Variants in HYCC2 observed in about 807,000 individuals in gnomAD.
HYCC2 encodes hyccin PI4KA lipid kinase complex subunit 2.
chr2:201,069,511 G>T, the HYCC2 span, among the ~76,000 whole-genome samples: 5 of 149,814 alleles, frequency 3.3e-5, no homozygotes, highest in African/African-American at 1.2e-4. Context: ...AGTTCTCTAA[G>T]ACAGCTCTAG....
the HYCC2 span, among the ~76,000 whole-genome samples, chr2:200,993,609 T>C: frequency 1.3e-5 from 2 of 152,180 alleles, no homozygotes; most frequent in Non-Finnish European, 2.9e-5. Context: ...TAGTGCCTTA[T>C]GGTCTTGGGA....
chr2:201,012,952 TACACACACACACACACACACACAC>T, the HYCC2 span, among the ~76,000 whole-genome samples: 1 of 146,416 alleles, frequency 6.8e-6, no homozygotes, highest in South Asian at 2.2e-4. Flanking sequence ...TTTCAAAAAA[TACACACACACACACACACACACAC>T]ACACACACGC....
chr2:200,984,594 A>C, the HYCC2 span, among the ~76,000 whole-genome samples: 4 of 152,228 alleles, frequency 2.6e-5, no homozygotes, highest in Non-Finnish European at 5.9e-5. Context: ...TCTTCTGTTT[A>C]AAAAGCTTGG....
chr2:201,011,180 G>A, the HYCC2 span, among the ~76,000 whole-genome samples: 2 of 151,762 alleles, frequency 1.3e-5, no homozygotes, highest in African/African-American at 4.8e-5. Context: ...AAAAGATACT[G>A]ATAGAAGAAT....
the HYCC2 span, chr2:201,009,163 A>ATTTTC: frequency 1.1e-6 from 1 of 879,100 alleles, no homozygotes; most frequent in Admixed American, 2.2e-5. Flanking sequence ...ATAATATTTA[A>ATTTTC]TTTTCTTTTC....
the HYCC2 span, among the ~76,000 whole-genome samples, chr2:201,058,701 C>T: frequency 6.6e-6 from 1 of 151,914 alleles, no homozygotes; most frequent in Non-Finnish European, 1.5e-5. Flanking sequence ...CAGACCCCAT[C>T]TCAAGAAAAA....
chr2:201,019,408 T>C, the HYCC2 span, among the ~76,000 whole-genome samples: 1 of 152,136 alleles, frequency 6.6e-6, no homozygotes, highest in East Asian at 1.9e-4. Context: ...GGGGGGTAGA[T>C]GTTGGCAATC....
the HYCC2 span, among the ~76,000 whole-genome samples, chr2:201,035,656 C>A: frequency 6.6e-6 from 1 of 152,160 alleles, no homozygotes; most frequent in South Asian, 2.1e-4. Flanking sequence ...GAGCTGCGTT[C>A]CTTTGGAGGA....
chr2:201,024,782 C>T, the HYCC2 span, among the ~76,000 whole-genome samples: 2 of 152,130 alleles, frequency 1.3e-5, no homozygotes, highest in South Asian at 4.1e-4. Flanking sequence ...GCACCATACA[C>T]AATAAGGCCT....
the HYCC2 span, among the ~76,000 whole-genome samples, chr2:201,004,575 G>A: frequency 6.6e-6 from 1 of 152,210 alleles, no homozygotes; most frequent in African/African-American, 2.4e-5. Flanking sequence ...GGCCACAAAT[G>A]GGTCCTGACA....
At chr2:201,044,788 G>A in the HYCC2 span, among the ~76,000 whole-genome samples, 1 of 151,836 alleles carries the variant, frequency 6.6e-6, no homozygotes, top group Non-Finnish European at 1.5e-5. Context: ...TTCCTTTATA[G>A]TACAGAGATT....
the HYCC2 span, among the ~76,000 whole-genome samples, chr2:201,040,459 G>GT: frequency 0.025 from 3,426 of 134,978 alleles, 49 homozygotes; most frequent in African/African-American, 0.037. Flanking sequence ...TATTGCTTTT[G>GT]TTTTTTTTTT....
chr2:200,998,533 A>T, the HYCC2 span, among the ~76,000 whole-genome samples: 1 of 152,232 alleles, frequency 6.6e-6, no homozygotes, highest in Non-Finnish European at 1.5e-5. Flanking sequence ...GCAACTTTAG[A>T]ACAGAGATCC....
At chr2:200,993,776 T>C in the HYCC2 span, among the ~76,000 whole-genome samples, 1 of 151,296 alleles carries the variant, frequency 6.6e-6, no homozygotes, top group Non-Finnish European at 1.5e-5. Context: ...GGTCAGGAGA[T>C]CAAGACCATC....
At chr2:201,000,263 AGCTGAG>A in the HYCC2 span, among the ~76,000 whole-genome samples, 1 of 151,718 alleles carries the variant, frequency 6.6e-6, no homozygotes, top group Admixed American at 6.6e-5. Context: ...TTACTCAGGA[AGCTGAG>A]GCAGGAGTAC....
chr2:200,982,772 T>A, the HYCC2 span, among the ~76,000 whole-genome samples: 178 of 152,320 alleles, frequency 1.2e-3, 2 homozygotes, highest in South Asian at 0.025. Flanking sequence ...TTATTTATTT[T>A]TTTTGAGACA....
the HYCC2 span, chr2:201,021,845 T>C: frequency 2.8e-6 from 1 of 358,148 alleles, no homozygotes; most frequent in African/African-American, 2.1e-5. Context: ...ACATTATGCA[T>C]ACCCAGAGTT....
At chr2:201,048,065 G>A in the HYCC2 span, among the ~76,000 whole-genome samples, 3 of 152,028 alleles carry the variant, frequency 2.0e-5, no homozygotes, top group Non-Finnish European at 2.9e-5. Flanking sequence ...GGGGTAAACA[G>A]TATAAGGAAA....
chr2:201,010,721 A>G, the HYCC2 span, among the ~76,000 whole-genome samples: 1 of 152,102 alleles, frequency 6.6e-6, no homozygotes, highest in African/African-American at 2.4e-5. Context: ...ATCTAAGGTG[A>G]TTTCTAAGTA....
Sources: gnomAD v4.1 joint callset for allele counts (sites outside exome capture counted in the v4.1 genomes callset) on GRCh38, gnomAD v4.1.1 for gene constraint, MANE v1.5 for transcripts, NCBI Gene and HGNC (gene_info 2026-07-23, HGNC 2026-07-21) for gene names.